RCBTB1: variants seen among roughly 807,000 people sequenced by gnomAD.
RCBTB1 encodes the protein RCC1 and BTB domain-containing protein 1.
A neutral mutation model predicts 62.4 loss-of-function variants in RCBTB1; 46 were observed. The observed-to-expected ratio is 0.74, with a 90% confidence interval of 0.58 to 0.94. RCBTB1 has a LOEUF of 0.94. RCBTB1 is among the 40% of genes least tolerant of loss of function. The probability of loss-of-function intolerance (pLI) is 0.00; values close to 1 mark genes in which losing one functional copy is unlikely to be tolerated. For synonymous variants in RCBTB1, 222 were observed against 245.8 expected (o/e 0.90, Z 0.91); for missense variants, 565 against 654.9 (o/e 0.86, Z 1.50).
intron 9 of RCBTB1, among the ~76,000 whole-genome samples, chr13:49,545,424 C>A (rs999687993): frequency 1.3e-4 from 20 of 152,244 alleles, no homozygotes; most frequent in African/African-American, 4.8e-4. Context: ...TATGCATAAT[C>A]CTTACTCACT....
chr13:49,573,938 C>G (rs998494431), intron 2 of RCBTB1, among the ~76,000 whole-genome samples: 1 of 148,796 alleles, frequency 6.7e-6, no homozygotes, highest in African/African-American at 2.5e-5. Context: ...TGTACACCAC[C>G]ATGCCTAGCT....
At chr13:49,558,842 G>A (rs184750723) in intron 5 of RCBTB1, among the ~76,000 whole-genome samples, 18 of 152,158 alleles carry the variant, frequency 1.2e-4, no homozygotes, top group Admixed American at 1.1e-3. Context: ...GGTGCCCCTT[G>A]TAATTTTTGC....
Position 49,540,952 on chromosome 13 carries a change from T to A in RCBTB1, c.1379A>T (p.Gln460Leu). 6.2e-7 allele frequency: 1 copy of A among 1,613,722 alleles called. No individual in the cohort carries two copies. Among genetic ancestry groups the A allele is most frequent in the East Asian group, 2.2e-5 (1 of 44,880 alleles). The change falls in exon 12 of 13, where the codon CAG (glutamine) becomes CTG (leucine). Residue 460 changes from glutamine to leucine, a missense_variant. Physicochemically the swap from Gln to Leu is moderately radical, Grantham distance 113. Transcript: ENST00000378302. Reference sequence around the variant, plus strand: ...AGTAATTCCTCTCTTGATAATGTGCTGACAAAGTTTTTTCAGTCTGTTTTC... The same window carrying A: ...AGTAATTCCTCTCTTGATAATGTGCAGACAAAGTTTTTTCAGTCTGTTTTC... ...YCENRLKKLC[Q>L]HIIKRGITVE...
At chr13:49,555,489 G>A (rs1190788408) in intron 6 of RCBTB1, 26 bp downstream of exon 6, 2 of 1,597,898 alleles carry the variant, frequency 1.3e-6, no homozygotes, top group Non-Finnish European at 1.7e-6. Flanking sequence ...AAGGTAGAAA[G>A]GGAAATGGGA....
intron 2 of RCBTB1, 133 bp from the exon 3 acceptor site, chr13:49,567,453 C>G (rs983744163): frequency 2.0e-5 from 13 of 635,410 alleles, no homozygotes; most frequent in Admixed American, 9.0e-5. Context: ...ACATGGATCA[C>G]TCACTTTCCC....
rs778646507 is a variant in RCBTB1, at chr13:49,540,893, C to T, written c.1438G>A (p.Val480Ile). The T allele has an allele frequency of 3.1e-6, 5 of 1,613,918 alleles. No individual in the cohort carries two copies. Among genetic ancestry groups the T allele is most frequent in the Non-Finnish European group, 3.4e-6 (4 of 1,179,964 alleles). ...ENAFSLFSAA[V>I]RYDAEDLEEF... is the part of the protein sequence containing the mutation. ...TAAGTTACCTCTGCATCATATCTGACTGCAGCAGAGAATAGCGAAAAGGCA... is the reference window on the plus strand; with the variant it reads ...TAAGTTACCTCTGCATCATATCTGATTGCAGCAGAGAATAGCGAAAAGGCA... The change falls in exon 12 of 13, where the codon GTC becomes ATC. Residue 480 changes from valine to isoleucine, a missense_variant. Val to Ile is a conservative substitution (Grantham distance 29). Transcript: ENST00000378302.
intron 4 of RCBTB1, among the ~76,000 whole-genome samples, chr13:49,566,270 TAAAATAAA>T (rs1963000420): frequency 1.1e-5 from 1 of 87,372 alleles, no homozygotes; most frequent in African/African-American, 8.0e-5. Context: ...AAAAATAAAA[TAAAATAAA>T]TAAATAAATA....
At chr13:49,546,749 G>C (rs549314240) in intron 9 of RCBTB1, 1 of 159,180 alleles carries the variant, frequency 6.3e-6, no homozygotes, top group South Asian at 2.0e-4. Context: ...TACCGCTGCT[G>C]ATCTGATGGG....
chr13:49,552,913 G>A (rs946591177), intron 6 of RCBTB1, among the ~76,000 whole-genome samples: 2 of 152,130 alleles, frequency 1.3e-5, no homozygotes, highest in African/African-American at 4.8e-5. Context: ...GCTGGGTGGG[G>A]TAGCTCACGC....
chr13:49,539,488 C>T (rs1000119142), intron 12 of RCBTB1: 2 of 152,156 alleles, frequency 1.3e-5, no homozygotes, highest in African/African-American at 4.8e-5. Flanking sequence ...TCTGCCTCTG[C>T]CCAGGTTGTT....
chr13:49,541,053 C>A (rs1266766534), intron 11 of RCBTB1, 47 bp from the exon 12 acceptor site: 1 of 1,556,318 alleles, frequency 6.4e-7, no homozygotes, highest in African/African-American at 1.4e-5. Context: ...ATAATAATTT[C>A]CAATACACAG....
chr13:49,571,295 G>C (rs1279492723), intron 2 of RCBTB1, among the ~76,000 whole-genome samples: 1 of 151,990 alleles, frequency 6.6e-6, no homozygotes, highest in South Asian at 2.1e-4. Flanking sequence ...GCAGTGAACC[G>C]AGATTGCACC....
chr13:49,563,601 G>C (rs1462022208), intron 4 of RCBTB1, among the ~76,000 whole-genome samples: 2 of 152,170 alleles, frequency 1.3e-5, no homozygotes, highest in African/African-American at 4.8e-5. Flanking sequence ...TGATGTTACA[G>C]TGAGCTGAGA....
In RCBTB1 at chr13:49,564,543, C is replaced by T. The variant is rs189179597; in HGVS notation, c.277+2075G>A. On this transcript the variant is annotated intron_variant, in intron 4 of 12. Transcript: ENST00000378302. ...GGAGGTTGAGTGGGCCGAGATCATG[C>T]CACTGCACTCCAGCCTGGAGACAGA... 7.1e-4 allele frequency among the ~76,000 whole-genome samples: 96 copies of T among 135,222 alleles called. No individual in the cohort carries two copies. In the East Asian group the frequency reaches 9.2e-3, roughly 13 times the overall value. 88.7% of individuals were successfully genotyped at this position (135,222 alleles called of 152,430 possible).
chr13:49,548,388 CAAA>C (rs1289018692), intron 9 of RCBTB1, among the ~76,000 whole-genome samples: 3 of 80,252 alleles, frequency 3.7e-5, no homozygotes, highest in African/African-American at 9.0e-5. Flanking sequence ...GACTCCGTCT[CAAA>C]AAAAAAAAAA....
At chr13:49,551,679 T>A (rs1961357830) in intron 7 of RCBTB1, among the ~76,000 whole-genome samples, 3 of 152,168 alleles carry the variant, frequency 2.0e-5, no homozygotes, top group South Asian at 4.1e-4. Context: ...GGCAGGCAGA[T>A]CACAAGGTCA....
chr13:49,578,310 A>G (rs565392862), intron 2 of RCBTB1, among the ~76,000 whole-genome samples: 2 of 152,352 alleles, frequency 1.3e-5, no homozygotes, highest in South Asian at 4.1e-4. Context: ...TAATGACAAG[A>G]AAAAATACTC....
At chr13:49,549,780 C>A in intron 8 of RCBTB1, 132 bp from the exon 9 acceptor site, 1 of 1,431,152 alleles carries the variant, frequency 7.0e-7, no homozygotes, top group Non-Finnish European at 9.1e-7. Context: ...CACTAGCTGC[C>A]AAGTCACAGC....
intron 2 of RCBTB1, among the ~76,000 whole-genome samples, chr13:49,567,801 CA>C (rs1383558067): frequency 6.6e-6 from 1 of 152,190 alleles, no homozygotes; most frequent in Non-Finnish European, 1.5e-5. Context: ...TATCATACCA[CA>C]AATTCAATGA....
Sources: allele counts gnomAD v4.1 joint callset (sites outside exome capture counted in the v4.1 genomes callset), GRCh38; gene constraint gnomAD v4.1.1; transcripts MANE v1.5; gene names NCBI Gene and HGNC (gene_info 2026-07-23, HGNC 2026-07-21).